The following FRAS1 variants were observed in gnomAD, a reference collection of about 807,000 sequenced individuals.
The protein encoded by FRAS1 is extracellular matrix organizing protein FRAS1.
Under a neutral mutation model 435.2 loss-of-function variants are expected in FRAS1, and 290 were observed. That is an observed-to-expected ratio of 0.67 (90% confidence interval 0.61 to 0.73). FRAS1 has a LOEUF of 0.73. FRAS1 is among the 30% of genes least tolerant of loss of function. The pLI, the probability that FRAS1 is intolerant of heterozygous loss-of-function variation, is 0.00. For missense variants in FRAS1, 4,860 were observed against 5,001.5 expected (o/e 0.97, Z 0.85); for synonymous variants, 1,800 against 1,851.0 (o/e 0.97, Z 0.71).
chr4:78,424,146 G>T (rs1038464340), intron 34 of FRAS1, among the ~76,000 whole-genome samples: 9 of 152,116 alleles, frequency 5.9e-5, no homozygotes, highest in African/African-American at 2.2e-4. Flanking sequence ...TATAAATCAC[G>T]CTAACTGCTG....
At chr4:78,113,513 C>T (rs561092145) in intron 2 of FRAS1, among the ~76,000 whole-genome samples, 1,929 of 152,082 alleles carry the variant, frequency 0.013, 40 homozygotes, top group African/African-American at 0.04. Context: ...TTTTAATGAT[C>T]GCCATTCTAA....
chr4:78,102,554 G>A (rs180943702), intron 2 of FRAS1, among the ~76,000 whole-genome samples: 3 of 152,208 alleles, frequency 2.0e-5, no homozygotes, highest in East Asian at 1.9e-4. Flanking sequence ...TGACCCTGGC[G>A]ACCATCTTTC....
chr4:78,093,941 A>G (rs958941238), intron 2 of FRAS1, among the ~76,000 whole-genome samples: 2 of 152,098 alleles, frequency 1.3e-5, no homozygotes, highest in Admixed American at 6.6e-5. Context: ...GCTCTGGATC[A>G]CAACTCATCA....
rs545634138 is a variant in FRAS1, at chr4:78,304,739, A to G, written c.1535-3327A>G. The stretch of plus-strand genomic sequence containing the variant: ...CCCTTTATCATTTTTTATTGCATCT[A>G]TTTGATTCTTCTTTTTTTCTTTATT... On this transcript the variant is annotated intron_variant, in intron 14 of 73. Transcript: ENST00000512123. 1.6e-3 allele frequency among the ~76,000 whole-genome samples: 247 copies of G among 152,068 alleles called. 1 individual carries two copies. The highest frequency in any genetic ancestry group is 5.7e-3 in the African/African-American group (237 of 41,484).
At chr4:78,429,395 A>C (rs1311576440) in intron 36 of FRAS1, among the ~76,000 whole-genome samples, 169 bp downstream of exon 36, 15 of 152,120 alleles carry the variant, frequency 9.9e-5, no homozygotes, top group Admixed American at 9.8e-4. Flanking sequence ...CAGAAGCCGC[A>C]CAGAGAGAAG....
intron 64 of FRAS1, among the ~76,000 whole-genome samples, chr4:78,513,146 GAAAA>G (rs138090444): frequency 2.0e-5 from 3 of 151,736 alleles, no homozygotes; most frequent in African/African-American, 7.3e-5. Flanking sequence ...TTCCTGTATA[GAAAA>G]AAAATCTATA....
chr4:78,243,882 T>C (rs1378298980), intron 3 of FRAS1, among the ~76,000 whole-genome samples: 1 of 152,160 alleles, frequency 6.6e-6, no homozygotes, highest in African/African-American at 2.4e-5. Context: ...ACTTAGATCA[T>C]GTTATTTTCA....
At chr4:78,298,022 CTCTCTCTCTATATA>C (rs1164186756) in intron 14 of FRAS1, among the ~76,000 whole-genome samples, 5 of 106,572 alleles carry the variant, frequency 4.7e-5, no homozygotes, top group Non-Finnish European at 7.7e-5. Context: ...CTCTCTCTCT[CTCTCTCTCTATATA>C]TATATATATA....
intron 65 of FRAS1, among the ~76,000 whole-genome samples, chr4:78,515,440 G>T (rs2109888274): frequency 6.6e-6 from 1 of 152,022 alleles, no homozygotes; most frequent in Non-Finnish European, 1.5e-5. Flanking sequence ...GCAGTGGTGG[G>T]GACATATATG....
rs148329973 is a variant in FRAS1, at chr4:78,118,988, G to A, written c.108+52972G>A. ...CCACCTTATTTATTTTTTATATTGT[G>A]TATGTAACTCTTTTATAGAATATGT... On this transcript the variant is annotated intron_variant, in intron 2 of 73. Coordinates refer to ENST00000512123, the MANE Select transcript of FRAS1 (RefSeq NM_025074.7). Among the ~76,000 whole-genome samples, 673 of 150,760 alleles carry A rather than the reference G, an allele frequency of 4.5e-3. 3 individuals are homozygous for A. Among genetic ancestry groups the A allele is most frequent in the African/African-American group, 0.016 (644 of 41,008 alleles).
chr4:78,384,907 C>CAA (rs11315732), intron 28 of FRAS1, among the ~76,000 whole-genome samples: 107 of 101,576 alleles, frequency 1.1e-3, no homozygotes, highest in African/African-American at 3.2e-3. Flanking sequence ...GACCCTGTCT[C>CAA]AAAAAAAAAA....
Position 78,387,379 on chromosome 4 carries a change from C to T in FRAS1, c.3653C>T (p.Pro1218Leu). The change falls in exon 29 of 74, where the codon CCC (proline) becomes CTC (leucine). Residue 1218 changes from proline (P) to leucine (L), a missense_variant. Transcript: ENST00000512123. ...INIQAFSTQAPYVLRNEVLHI... is the reference protein window; with the variant it reads ...INIQAFSTQALYVLRNEVLHI... ...TTCTTCCCTTCAACTCCACAGGCCCCCTATGTGCTGAGAAATGAAGTTCTC... is the reference window on the plus strand; with the variant it reads ...TTCTTCCCTTCAACTCCACAGGCCCTCTATGTGCTGAGAAATGAAGTTCTC... 2 of 1,604,786 alleles carry T rather than the reference C, an allele frequency of 1.2e-6. No individual in the cohort carries two copies. Among genetic ancestry groups the T allele is most frequent in the South Asian group, 1.1e-5 (1 of 89,068 alleles).
chr4:78,285,723 C>T (rs1241882223), intron 13 of FRAS1, among the ~76,000 whole-genome samples: 1 of 152,054 alleles, frequency 6.6e-6, no homozygotes, highest in Non-Finnish European at 1.5e-5. Context: ...TGAGCCACTG[C>T]CACCTGGTAT....
chr4:78,474,496 G>A (rs1464018319), intron 53 of FRAS1, among the ~76,000 whole-genome samples: 1 of 152,138 alleles, frequency 6.6e-6, no homozygotes, highest in Non-Finnish European at 1.5e-5. Context: ...CACACATTTG[G>A]AGAATTAGAG....
At position 78,463,886 on chromosome 4, in the gene FRAS1, A is replaced by G. The variant is rs1257320792; in HGVS notation, c.6764-135A>G. The stretch of plus-strand genomic sequence containing the variant: ...AAACAACTCTAACAACAAGGTCCTC[A>G]AGTGGAGGAAATAAATGCTATAAGA... On this transcript the variant is annotated intron_variant, in intron 47 of 73. Transcript: ENST00000512123. 3.2e-6 allele frequency: 3 copies of G among 936,028 alleles called. No homozygotes were observed. The African/African-American group carries it at 5.0e-5, about 15-fold the overall frequency. 58.0% of individuals were successfully genotyped at this position (936,028 alleles called of 1,614,324 possible).
chr4:78,143,861 G>A (rs1476276315), intron 2 of FRAS1, among the ~76,000 whole-genome samples: 4 of 145,476 alleles, frequency 2.7e-5, no homozygotes, highest in Non-Finnish European at 4.5e-5. Context: ...TCAAGATAGC[G>A]CCACTGCACT....
chr4:78,117,716 A>T (rs1415881822), intron 2 of FRAS1, among the ~76,000 whole-genome samples: 1 of 152,200 alleles, frequency 6.6e-6, no homozygotes, highest in Non-Finnish European at 1.5e-5. Context: ...TGGTTATTCT[A>T]GTTAGCCATT....
intron 9 of FRAS1, among the ~76,000 whole-genome samples, chr4:78,276,291 A>G (rs958471891): frequency 2.0e-5 from 3 of 151,992 alleles, no homozygotes; most frequent in African/African-American, 7.2e-5. Flanking sequence ...AAGTTTGATC[A>G]TCTGAAGCCT....
chr4:78,177,470 G>A (rs912020187), intron 2 of FRAS1, among the ~76,000 whole-genome samples: 4 of 152,102 alleles, frequency 2.6e-5, no homozygotes, highest in Admixed American at 2.6e-4. Flanking sequence ...CAAGTGGTTG[G>A]GGACATTGGT....
Sources: gnomAD v4.1 joint callset for allele counts (sites outside exome capture counted in the v4.1 genomes callset) on GRCh38, gnomAD v4.1.1 for gene constraint, MANE v1.5 for transcripts, NCBI Gene and HGNC (gene_info 2026-07-23, HGNC 2026-07-21) for gene names.